The following ARL15 variants were observed in gnomAD, a reference collection of about 807,000 sequenced individuals.
ARL15 encodes ADP-ribosylation factor-like protein 15.
A neutral mutation model predicts 25.2 loss-of-function variants in ARL15; 19 were observed. The ratio of observed to expected loss-of-function variants is 0.75; its 90% CI spans 0.53 to 1.10. The LOEUF is 1.10. Ranked by LOEUF, ARL15 falls within the 50% of genes least tolerant of loss-of-function variation. The pLI is 0.00. For missense variants in ARL15, 220 were observed against 246.0 expected, an observed-to-expected ratio of 0.89 and a Z score of 0.71; for synonymous variants, 94 against 86.8, an observed-to-expected ratio of 1.08 and a Z score of -0.46.
intron 1 of ARL15, among the ~76,000 whole-genome samples, chr5:54,195,471 T>C (rs931850496): frequency 1.3e-5 from 2 of 152,208 alleles, no homozygotes; most frequent in African/African-American, 4.8e-5. Flanking sequence ...CTTCCACTAA[T>C]CTGACAGTTG....
At chr5:54,056,239 ATGTTTTT>A (rs1750867057) in intron 4 of ARL15, among the ~76,000 whole-genome samples, 2 of 152,136 alleles carry the variant, frequency 1.3e-5, no homozygotes, top group African/African-American at 2.4e-5. Flanking sequence ...TTAATAAGTT[ATGTTTTT>A]AAAGAGTTTA....
At chr5:54,111,929 T>C (rs1752753253) in intron 4 of ARL15, among the ~76,000 whole-genome samples, 1 of 152,164 alleles carries the variant, frequency 6.6e-6, no homozygotes, top group African/African-American at 2.4e-5. Context: ...ACCATCATTA[T>C]AATGCTGAAG....
At chr5:54,216,800 C>T (rs1756221575) in intron 1 of ARL15, among the ~76,000 whole-genome samples, 1 of 152,140 alleles carries the variant, frequency 6.6e-6, no homozygotes, top group South Asian at 2.1e-4. Flanking sequence ...CTAGTTTATA[C>T]AGTAGTTAAG....
chr5:53,938,936 C>T (rs896501011), intron 4 of ARL15, among the ~76,000 whole-genome samples: 2 of 152,232 alleles, frequency 1.3e-5, no homozygotes, highest in Non-Finnish European at 2.9e-5. Flanking sequence ...GTTTACGACA[C>T]AAATTTGTTA....
At chr5:54,056,691 G>A (rs568768151) in intron 4 of ARL15, among the ~76,000 whole-genome samples, 2 of 151,478 alleles carry the variant, frequency 1.3e-5, no homozygotes, top group Non-Finnish European at 2.9e-5. Context: ...CTGACACCTC[G>A]TGGGGTTGGG....
intron 4 of ARL15, among the ~76,000 whole-genome samples, chr5:53,941,742 ATTC>A (rs1746546165): frequency 6.6e-6 from 1 of 152,074 alleles, no homozygotes; most frequent in Non-Finnish European, 1.5e-5. Flanking sequence ...TTATGTGGTG[ATTC>A]TTCTTTGAGT....
intron 4 of ARL15, among the ~76,000 whole-genome samples, chr5:54,039,056 T>G (rs542448562): frequency 6.6e-6 from 1 of 152,310 alleles, no homozygotes; most frequent in Non-Finnish European, 1.5e-5. Flanking sequence ...GACCAACCAC[T>G]AGGTCTCTGC....
chr5:54,186,110 G>A (rs746228888), intron 1 of ARL15, among the ~76,000 whole-genome samples: 2 of 152,074 alleles, frequency 1.3e-5, no homozygotes, highest in African/African-American at 4.8e-5. Flanking sequence ...CAGTTAAATC[G>A]ACTCTTTTTG....
rs559424190 is a variant in ARL15, at chr5:54,299,107, G to A, written c.48+11325C>T. Among the ~76,000 whole-genome samples the A allele has an allele frequency of 9.0e-4, 137 of 152,036 alleles. 1 individual carries two copies. Among genetic ancestry groups the A allele is most frequent in the Non-Finnish European group, 1.7e-3 (115 of 68,000 alleles). On this transcript the variant is annotated intron_variant, in intron 1 of 4. Coordinates refer to ENST00000504924, the MANE Select transcript of ARL15 (RefSeq NM_019087.3). ...GTAGAGACAGGGGTCTCACTATGTT[G>A]CCCAGTCTAGTCTCAAACACCTGGC...
intron 4 of ARL15, among the ~76,000 whole-genome samples, chr5:54,112,244 T>A (rs1295562764): frequency 6.6e-6 from 1 of 152,160 alleles, no homozygotes; most frequent in Non-Finnish European, 1.5e-5. Context: ...CATAATAAAT[T>A]GGATTATTCT....
chr5:54,070,591 A>C (rs1429863207), intron 4 of ARL15, among the ~76,000 whole-genome samples: 1 of 152,078 alleles, frequency 6.6e-6, no homozygotes, highest in African/African-American at 2.4e-5. Context: ...CTGTAATTCC[A>C]GCACTTTGGG....
intron 4 of ARL15, among the ~76,000 whole-genome samples, chr5:54,044,866 C>A (rs1359855309): frequency 6.6e-6 from 1 of 152,130 alleles, no homozygotes; most frequent in Non-Finnish European, 1.5e-5. Flanking sequence ...TTATTTTAAA[C>A]TAGTTTAACA....
chr5:54,261,787 T>A (rs145362546), intron 1 of ARL15, among the ~76,000 whole-genome samples: 1 of 152,046 alleles, frequency 6.6e-6, no homozygotes, highest in Non-Finnish European at 1.5e-5. Context: ...ACACCGTTTT[T>A]TCGGGAGGGT....
intron 1 of ARL15, among the ~76,000 whole-genome samples, chr5:54,246,357 T>C (rs1195392638): frequency 6.6e-6 from 1 of 152,122 alleles, no homozygotes; most frequent in Non-Finnish European, 1.5e-5. Context: ...GAAGACACTC[T>C]CAAAGCTCTT....
intron 4 of ARL15, among the ~76,000 whole-genome samples, chr5:53,934,483 CA>C (rs1561155886): frequency 2.0e-5 from 3 of 151,908 alleles, no homozygotes; most frequent in African/African-American, 7.3e-5. Flanking sequence ...ATAAACTTGA[CA>C]GCTGCCCAAA....
chr5:53,898,104 A>C (rs1475904511), intron 4 of ARL15, among the ~76,000 whole-genome samples: 1 of 152,220 alleles, frequency 6.6e-6, no homozygotes, highest in Non-Finnish European at 1.5e-5. Context: ...CATGTTGAGC[A>C]CGCTGAGGAG....
intron 3 of ARL15, among the ~76,000 whole-genome samples, chr5:54,125,279 C>T (rs1465204807): frequency 6.6e-6 from 1 of 152,090 alleles, no homozygotes; most frequent in Admixed American, 6.5e-5. Context: ...GGTGATCTGC[C>T]TGCCTTGGCC....
chr5:53,963,006 T>C (rs942618161), intron 4 of ARL15, among the ~76,000 whole-genome samples: 1 of 152,202 alleles, frequency 6.6e-6, no homozygotes, highest in African/African-American at 2.4e-5. Context: ...GGCACCTCGA[T>C]AGTACCACAT....
chr5:54,223,806 G>C (rs1255781404), intron 1 of ARL15, among the ~76,000 whole-genome samples: 2 of 152,028 alleles, frequency 1.3e-5, no homozygotes, highest in African/African-American at 4.8e-5. Flanking sequence ...CTTAACACAA[G>C]GCAGAATGGA....
Sources: allele counts gnomAD v4.1 joint callset (sites outside exome capture counted in the v4.1 genomes callset), GRCh38; gene constraint gnomAD v4.1.1; transcripts MANE v1.5; gene names NCBI Gene and HGNC (gene_info 2026-07-23, HGNC 2026-07-21).